PIAS1: variants seen among roughly 807,000 people sequenced by gnomAD.
PIAS1 encodes the protein E3 SUMO-protein ligase PIAS1.
In PIAS1, 6 loss-of-function variants were observed where a neutral mutation model predicts 71.3. That is an observed-to-expected ratio of 0.08 (90% CI 0.05 to 0.17). The LOEUF (loss-of-function observed/expected upper bound fraction) is 0.17, where lower values mean the gene tolerates loss of function less well. Among genes scored for constraint, PIAS1 ranks in the 10% least tolerant of loss-of-function variants. The pLI is 1.00. For missense variants in PIAS1, 555 were observed against 793.6 expected, an observed-to-expected ratio of 0.70 and a Z score of 3.61; for synonymous variants, 303 against 292.9, an observed-to-expected ratio of 1.03 and a Z score of -0.35.
In PIAS1 at chr15:68,188,876, G is replaced by A. The variant is rs2093104576; in HGVS notation, c.*1041G>A. 1 of 152,220 alleles carries A rather than the reference G, an allele frequency of 6.6e-6. No homozygotes were observed. Among genetic ancestry groups the A allele is most frequent in the Non-Finnish European group, 1.5e-5 (1 of 68,042 alleles). The allele number at this position is 152,220 out of a possible 1,614,324, so 9.4% of individuals were successfully genotyped here. On this transcript the variant is annotated 3_prime_UTR_variant, in exon 14 of 14. Transcript: ENST00000249636. ...TGTCAGGTGTTTTGTGCAGCTGACA[G>A]AGGTAATGTTACATCACCTAAAAAA...
At chr15:68,119,137 C>T (rs113862445) in intron 2 of PIAS1, among the ~76,000 whole-genome samples, 3,088 of 143,940 alleles carry the variant, frequency 0.021, 103 homozygotes, top group African/African-American at 0.075. Context: ...TGGTGGCTCA[C>T]ACCTGTAATC....
intron 7 of PIAS1, among the ~76,000 whole-genome samples, chr15:68,155,213 A>G (rs2141065221): frequency 6.6e-6 from 1 of 152,330 alleles, no homozygotes; most frequent in South Asian, 2.1e-4. Flanking sequence ...CCGAGAAACC[A>G]CTATTAGCTA....
intron 2 of PIAS1, among the ~76,000 whole-genome samples, chr15:68,089,040 A>G (rs1185991035): frequency 6.6e-6 from 1 of 152,214 alleles, no homozygotes; most frequent in East Asian, 1.9e-4. Context: ...CCAGAATGGG[A>G]CAGGCACATT....
At chr15:68,138,705 C>T (rs1365385789) in intron 2 of PIAS1, among the ~76,000 whole-genome samples, 1 of 152,122 alleles carries the variant, frequency 6.6e-6, no homozygotes, top group African/African-American at 2.4e-5. Context: ...GAACTCCTGA[C>T]CTCAGATGAT....
intron 6 of PIAS1, among the ~76,000 whole-genome samples, chr15:68,152,062 G>T (rs2092851135): frequency 7.2e-6 from 1 of 138,770 alleles, no homozygotes; most frequent in Non-Finnish European, 1.5e-5. Flanking sequence ...CCATTCTCCT[G>T]CCCCAGGCTC....
chr15:68,110,338 T>C (rs1340990088), intron 2 of PIAS1, among the ~76,000 whole-genome samples: 1 of 152,158 alleles, frequency 6.6e-6, no homozygotes, highest in Non-Finnish European at 1.5e-5. Context: ...TTCACGCCTG[T>C]AATCCCAGCA....
In PIAS1 at chr15:68,190,094, G is replaced by A. The variant is rs887605618; in HGVS notation, c.*2259G>A. 1.4e-5 allele frequency: 2 copies of A among 142,828 alleles called. No individual in the cohort carries two copies. The highest frequency in any genetic ancestry group is 6.9e-5 in the Admixed American group (1 of 14,486). The allele number at this position is 142,828 out of a possible 1,614,324, so 8.8% of individuals were successfully genotyped here. A position where few individuals can be genotyped will look rare whatever the true frequency, so the allele number is the denominator to read the frequency against. On this transcript the variant is annotated 3_prime_UTR_variant, in exon 14 of 14. Transcript: ENST00000249636. This position sits in a 1 kb window ranked among gnomAD's most constrained non-coding sequence, Gnocchi z 4.7. ...TATGATGCTGAATTACAAACCGTTT[G>A]AATGATCCAGTTGAAAACGTATCCC...
At chr15:68,090,927 G>GTGTGT (rs1555425137) in intron 2 of PIAS1, among the ~76,000 whole-genome samples, 68 of 142,856 alleles carry the variant, frequency 4.8e-4, no homozygotes, top group African/African-American at 1.7e-3. Context: ...GTCATTTACG[G>GTGTGT]GTGTGTGTGT....
rs1043680992 is a variant in PIAS1, at chr15:68,090,261, G to A, written c.469+3511G>A. Among the ~76,000 whole-genome samples the A allele has an allele frequency of 5.9e-5, 9 of 151,832 alleles. No homozygotes were observed. In the East Asian group the frequency reaches 9.7e-4, roughly 16 times the overall value. ...TCTGTCATCCAGGCTGGAATGTGGC[G>A]GCGAGATCTTGGTTTGCTGTGGCCT... On this transcript the variant is annotated intron_variant, in intron 2 of 13. Transcript: ENST00000249636.
chr15:68,055,459 A>G (rs1403244608), intron 1 of PIAS1, among the ~76,000 whole-genome samples: 1 of 151,934 alleles, frequency 6.6e-6, no homozygotes, highest in East Asian at 1.9e-4. Context: ...TGGCTTCTTT[A>G]CCGTAGCAGA....
At chr15:68,106,387 A>AAC (rs2092470268) in intron 2 of PIAS1, among the ~76,000 whole-genome samples, 2 of 151,798 alleles carry the variant, frequency 1.3e-5, no homozygotes, top group Non-Finnish European at 2.9e-5. Context: ...AAACAAAAGA[A>AAC]ACACAAACAA....
intron 1 of PIAS1, among the ~76,000 whole-genome samples, chr15:68,083,054 G>A (rs905420223): frequency 6.6e-6 from 1 of 152,154 alleles, no homozygotes; most frequent in Non-Finnish European, 1.5e-5. Flanking sequence ...AGGACGTAGA[G>A]TCAGCAGAAT....
chr15:68,152,404 A>G (rs1420101558), intron 6 of PIAS1, among the ~76,000 whole-genome samples: 1 of 152,190 alleles, frequency 6.6e-6, no homozygotes, highest in African/African-American at 2.4e-5. Flanking sequence ...ATGACCTTCC[A>G]GAGAGTATTG....
chr15:68,098,070 G>A (rs1012216789), intron 2 of PIAS1, among the ~76,000 whole-genome samples: 7 of 151,922 alleles, frequency 4.6e-5, no homozygotes, highest in African/African-American at 1.7e-4. Context: ...ATACTTTTCT[G>A]CTAACATGGA....
At chr15:68,104,473 T>G (rs1467391571) in intron 2 of PIAS1, among the ~76,000 whole-genome samples, 1 of 152,242 alleles carries the variant, frequency 6.6e-6, no homozygotes, top group Non-Finnish European at 1.5e-5. Context: ...GTCTTGCCTC[T>G]TCTCCTCTTC....
At chr15:68,123,406 T>G (rs2092626855) in intron 2 of PIAS1, among the ~76,000 whole-genome samples, 1 of 152,150 alleles carries the variant, frequency 6.6e-6, no homozygotes, top group African/African-American at 2.4e-5. Flanking sequence ...ACACACAAAG[T>G]TATGAGTTTA....
At chr15:68,128,077 T>A (rs562407280) in intron 2 of PIAS1, among the ~76,000 whole-genome samples, 50 of 152,156 alleles carry the variant, frequency 3.3e-4, no homozygotes, top group African/African-American at 1.2e-3. Context: ...TTTCTCCCTT[T>A]AGATCTTTTG....
intron 1 of PIAS1, among the ~76,000 whole-genome samples, chr15:68,085,116 G>T (rs2092267776): frequency 6.6e-6 from 1 of 152,322 alleles, no homozygotes; most frequent in African/African-American, 2.4e-5. Context: ...GTGAGTGGTG[G>T]TGAGTTAGGG....
rs184857997 is a variant in PIAS1 at position 68,187,610 on chromosome 15, G to A, written c.1731G>A (p.Ser577=). ...AVSDDQDLLH[S]SRFFPYTSSQ... The stretch of plus-strand genomic sequence containing the variant: ...CAGATGATCAAGACCTCCTACACTC[G>A]TCTCGGTTTTTCCCGTATACCTCCT... The change falls in exon 14 of 14, where the codon TCG becomes TCA. Residue 577 remains serine, a synonymous_variant. Coordinates refer to ENST00000249636, the MANE Select transcript of PIAS1 (RefSeq NM_016166.3). This position sits in a 1 kb window ranked among gnomAD's most constrained non-coding sequence, Gnocchi z 5.3. 23 of 1,613,906 alleles carry A rather than the reference G, an allele frequency of 1.4e-5. 1 individual carries two copies. The highest frequency in any genetic ancestry group is 8.9e-5 in the East Asian group (4 of 44,884).
Sources: gnomAD v4.1 joint callset for allele counts (sites outside exome capture counted in the v4.1 genomes callset) on GRCh38, gnomAD v4.1.1 for gene constraint, Gnocchi (gnomAD v3.1) non-coding constraint, MANE v1.5 for transcripts, NCBI Gene and HGNC (gene_info 2026-07-23, HGNC 2026-07-21) for gene names.